The following SIL1 variants were observed in gnomAD, a reference collection of about 807,000 sequenced individuals.
SIL1 encodes the protein SIL1 nucleotide exchange factor.
In SIL1, 40 loss-of-function variants were observed where a neutral mutation model predicts 49.1. The ratio of observed to expected loss-of-function variants is 0.81; its 90% CI spans 0.63 to 1.06. SIL1 has a LOEUF of 1.06. Ranked by LOEUF, SIL1 falls within the 50% of genes least tolerant of loss-of-function variation. SIL1 has a pLI of 0.00. For missense variants in SIL1, 500 were observed against 572.6 expected (o/e 0.87, Z 1.29); for synonymous variants, 253 against 250.8 (o/e 1.01, Z -0.08).
At chr5:139,074,623 C>G (rs2151767229) in intron 3 of SIL1, among the ~76,000 whole-genome samples, 1 of 152,214 alleles carries the variant, frequency 6.6e-6, no homozygotes, top group South Asian at 2.1e-4. Context: ...GAGCCCTCAC[C>G]TGACCAGCCA....
At chr5:139,169,476 ATT>A (rs70982754) in intron 1 of SIL1, among the ~76,000 whole-genome samples, 65,636 of 139,300 alleles carry the variant, frequency 0.47, 15,644 homozygotes, top group African/African-American at 0.61. Context: ...ATATAGATAG[ATT>A]TTTTTTTTTT....
chr5:138,992,738 G>C (rs1478426622), intron 7 of SIL1, among the ~76,000 whole-genome samples: 1 of 152,026 alleles, frequency 6.6e-6, no homozygotes. Context: ...GGGGGTGAGG[G>C]ATAAAAGACT....
rs1037117128 is a variant in SIL1 at position 139,021,303 on chromosome 5, G to C, written c.646-11C>G. The C allele has an allele frequency of 1.9e-6, 3 of 1,613,926 alleles. No individual in the cohort carries two copies. The highest frequency in any genetic ancestry group is 2.5e-6 in the Non-Finnish European group (3 of 1,179,996). On this transcript the variant is annotated splice_polypyrimidine_tract_variant and intron_variant, in intron 6 of 9. Coordinates refer to ENST00000394817, the MANE Select transcript of SIL1 (RefSeq NM_022464.5). The stretch of plus-strand genomic sequence containing the variant: ...CTGCGCATTGTCCATCTGCAACAGA[G>C]CCACTGCTTAGTACAGCATAGCCAT...
chr5:139,120,998 A>G, intron 3 of SIL1, 37 bp downstream of exon 3: 1 of 1,613,138 alleles, frequency 6.2e-7, no homozygotes, highest in Admixed American at 1.7e-5. Context: ...GTTTGAATTC[A>G]AAGTGTGTTT....
intron 4 of SIL1, among the ~76,000 whole-genome samples, chr5:139,046,220 G>A (rs919249672): frequency 2.6e-5 from 4 of 152,090 alleles, no homozygotes; most frequent in South Asian, 2.1e-4. Context: ...CCAGCTACTC[G>A]GGAGGCTGAG....
intron 6 of SIL1, among the ~76,000 whole-genome samples, chr5:139,023,484 G>GTGGGAGAA (rs1467999715): frequency 6.6e-6 from 1 of 152,264 alleles, no homozygotes; most frequent in Non-Finnish European, 1.5e-5. Flanking sequence ...GAGGAGACAC[G>GTGGGAGAA]TGGGAGAAGG....
At chr5:139,061,570 C>A (rs1254332711) in intron 3 of SIL1, among the ~76,000 whole-genome samples, 1 of 152,230 alleles carries the variant, frequency 6.6e-6, no homozygotes, top group East Asian at 1.9e-4. Flanking sequence ...AATCTTCATG[C>A]CCTTATGTGT....
intron 7 of SIL1, among the ~76,000 whole-genome samples, chr5:138,975,803 A>C (rs1402448612): frequency 2.6e-5 from 4 of 152,248 alleles, no homozygotes; most frequent in African/African-American, 9.6e-5. Flanking sequence ...CCTCTCACCA[A>C]CAACTGGCAC....
In SIL1 at chr5:139,137,206, G is replaced by T. The variant is rs1050649675; in HGVS notation, c.-10-9353C>A. 39 of 626,522 alleles carry T rather than the reference G, an allele frequency of 6.2e-5. No homozygotes were observed. In the Admixed American group the frequency reaches 7.2e-4, roughly 12 times the overall value. The allele number at this position is 626,522 out of a possible 1,614,324, so 38.8% of individuals were successfully genotyped here. On this transcript the variant is annotated intron_variant, in intron 1 of 9. Transcript: ENST00000394817. ...AATAATTATAGTCAACATTTATAGA[G>T]AACTTTCCATGTTGCAAGCAAAGTA...
chr5:138,980,020 G>A (rs148624300), intron 7 of SIL1, among the ~76,000 whole-genome samples: 61 of 152,348 alleles, frequency 4.0e-4, no homozygotes, highest in Non-Finnish European at 6.9e-4. Flanking sequence ...TCACAGGGGT[G>A]AGGTTCTTTC....
chr5:139,191,307 A>C (rs186032661), intron 1 of SIL1, among the ~76,000 whole-genome samples: 3 of 151,526 alleles, frequency 2.0e-5, no homozygotes. Flanking sequence ...TCCAATACAC[A>C]CTATCCACAG....
chr5:139,137,296 T>C (rs947563935), intron 1 of SIL1: 1 of 702,410 alleles, frequency 1.4e-6, no homozygotes. Context: ...ATTTTACCCA[T>C]GAGGGGACCA....
intron 1 of SIL1, among the ~76,000 whole-genome samples, chr5:139,181,892 G>C (rs935918988): frequency 6.6e-6 from 1 of 152,184 alleles, no homozygotes; most frequent in African/African-American, 2.4e-5. Context: ...CCCATAGCAA[G>C]GCTTCACTAA....
chr5:139,180,381 CAAAAAAAAAAA>C (rs35534058), intron 1 of SIL1, among the ~76,000 whole-genome samples: 6 of 57,052 alleles, frequency 1.1e-4, no homozygotes, highest in African/African-American at 2.2e-4. Flanking sequence ...AACTCCATCT[CAAAAAAAAAAA>C]AAAAAAAAAA....
In SIL1 at chr5:139,097,076, G is replaced by T. The variant is rs1056062186; in HGVS notation, c.244+23959C>A. On this transcript the variant is annotated intron_variant, in intron 3 of 9. Coordinates refer to ENST00000394817, the MANE Select transcript of SIL1 (RefSeq NM_022464.5). ...CAGTACTCCCCATGGGCCTGTAGTG[G>T]TGGTGGCCACACTTTCCAAAGGTGG... Among the ~76,000 whole-genome samples the T allele has an allele frequency of 2.0e-5, 3 of 152,130 alleles. No individual in the cohort carries two copies. The East Asian group carries it at 5.8e-4, about 29-fold the overall frequency.
chr5:139,049,321 T>C (rs1287254812), intron 4 of SIL1, among the ~76,000 whole-genome samples: 1 of 152,182 alleles, frequency 6.6e-6, no homozygotes, highest in African/African-American at 2.4e-5. Context: ...TACAGGCACC[T>C]GCCACCACAC....
intron 3 of SIL1, among the ~76,000 whole-genome samples, chr5:139,102,256 TCTAA>T (rs1317984389): frequency 2.0e-5 from 3 of 152,212 alleles, no homozygotes; most frequent in Non-Finnish European, 4.4e-5. Context: ...TGCTGGAGGC[TCTAA>T]CTTTCAGTCT....
At chr5:138,957,541 C>T (rs1462478028) in intron 7 of SIL1, among the ~76,000 whole-genome samples, 1 of 151,360 alleles carries the variant, frequency 6.6e-6, no homozygotes, top group Non-Finnish European at 1.5e-5. Context: ...CTATGGGCAA[C>T]AGAGTGAGAT....
chr5:139,063,214 G>A (rs1414781656), intron 3 of SIL1, among the ~76,000 whole-genome samples: 2 of 152,204 alleles, frequency 1.3e-5, no homozygotes, highest in South Asian at 2.1e-4. Context: ...GAAAAACTAG[G>A]AATCTTGTTG....
Sources: allele counts gnomAD v4.1 joint callset (sites outside exome capture counted in the v4.1 genomes callset), GRCh38; gene constraint gnomAD v4.1.1; transcripts MANE v1.5; gene names NCBI Gene and HGNC (gene_info 2026-07-23, HGNC 2026-07-21).